The following PPFIA2 variants were observed in gnomAD, a reference collection of about 807,000 sequenced individuals.
PPFIA2 encodes PPFI scaffold protein A2, also known as liprin-alpha-2.
PPFIA2 carries 46 observed loss-of-function variants against 175.5 expected under a neutral mutation model. That is an observed-to-expected ratio of 0.26 (90% CI 0.21 to 0.34). PPFIA2 has a LOEUF of 0.34. Ranked by LOEUF, PPFIA2 falls within the 10% of genes least tolerant of loss-of-function variation. The pLI is 1.00. For synonymous variants in PPFIA2, 568 were observed against 511.4 expected, an observed-to-expected ratio of 1.11 and a Z score of -1.49; for missense variants, 1,179 against 1,506.1, an observed-to-expected ratio of 0.78 and a Z score of 3.60.
intron 3 of PPFIA2, among the ~76,000 whole-genome samples, chr12:81,697,817 G>A (rs562118215): frequency 6.6e-6 from 1 of 152,090 alleles, no homozygotes; most frequent in Non-Finnish European, 1.5e-5. Flanking sequence ...CTCTCAATAA[G>A]TAGAGTTGAA....
intron 4 of PPFIA2, among the ~76,000 whole-genome samples, chr12:81,638,719 G>C (rs1223401515): frequency 9.3e-6 from 1 of 107,038 alleles, no homozygotes; most frequent in Non-Finnish European, 1.7e-5. Flanking sequence ...ACGGAGTCTC[G>C]CTCTGTCGCC....
intron 17 of PPFIA2, among the ~76,000 whole-genome samples, chr12:81,352,135 C>T (rs2140902292): frequency 6.6e-6 from 1 of 151,936 alleles, no homozygotes; most frequent in Non-Finnish European, 1.5e-5. Flanking sequence ...CTGTAAAGGC[C>T]AAAGTGACTG....
chr12:81,313,263 T>A (rs1250045683), intron 22 of PPFIA2, among the ~76,000 whole-genome samples: 4 of 152,094 alleles, frequency 2.6e-5, no homozygotes, highest in Non-Finnish European at 4.4e-5. Context: ...TTACTACAAC[T>A]CATAAAACAT....
intron 4 of PPFIA2, among the ~76,000 whole-genome samples, chr12:81,573,356 A>G (rs1198704190): frequency 1.3e-5 from 2 of 151,876 alleles, no homozygotes; most frequent in Non-Finnish European, 2.9e-5. Context: ...GAAAATAGTC[A>G]ATTTCTTGCT....
At chr12:81,279,640 C>A (rs894782773) in intron 27 of PPFIA2, among the ~76,000 whole-genome samples, 2 of 152,000 alleles carry the variant, frequency 1.3e-5, no homozygotes, top group Non-Finnish European at 2.9e-5. Flanking sequence ...TTGGGCATTT[C>A]CCAGAACAAA....
At chr12:81,367,563 TGAAGAAA>T (rs760762064) in intron 13 of PPFIA2, among the ~76,000 whole-genome samples, 2 of 151,666 alleles carry the variant, frequency 1.3e-5, no homozygotes, top group African/African-American at 4.8e-5. Context: ...TTCTATTGTC[TGAAGAAA>T]GAAGAAATCA....
At chr12:81,555,829 T>C (rs2068760764) in intron 4 of PPFIA2, among the ~76,000 whole-genome samples, 1 of 151,966 alleles carries the variant, frequency 6.6e-6, no homozygotes, top group African/African-American at 2.4e-5. Context: ...ACTTGATACA[T>C]ATTACTGCTA....
At chr12:81,368,500 A>T (rs560210404) in intron 13 of PPFIA2, among the ~76,000 whole-genome samples, 1 of 151,780 alleles carries the variant, frequency 6.6e-6, no homozygotes, top group Non-Finnish European at 1.5e-5. Context: ...TCATATGAAC[A>T]TGTGAATATA....
chr12:81,728,207 T>C (rs1363498913), intron 3 of PPFIA2, among the ~76,000 whole-genome samples: 3 of 151,432 alleles, frequency 2.0e-5, no homozygotes, highest in Non-Finnish European at 3.0e-5. Context: ...TGGTTGTTTG[T>C]TGTTTGTATT....
Position 81,462,402 on chromosome 12 carries a change from T to C in PPFIA2, c.304-4536A>G, listed in dbSNP as rs1158566942. Among the ~76,000 whole-genome samples the C allele has an allele frequency of 1.1e-4, 16 of 147,306 alleles. No individual in the cohort carries two copies. In the Admixed American group the frequency reaches 1.1e-3, roughly 10 times the overall value. Reference sequence around the variant, plus strand: ...ACTGATTCAAACACACTTCTACAGATTCCTTTTAATTCAGACATGGTGAAG... The same window carrying C: ...ACTGATTCAAACACACTTCTACAGACTCCTTTTAATTCAGACATGGTGAAG... On this transcript the variant is annotated intron_variant, in intron 4 of 32. Transcript: ENST00000549396.
At chr12:81,314,664 C>A (rs1170464568) in intron 22 of PPFIA2, among the ~76,000 whole-genome samples, 2 of 151,948 alleles carry the variant, frequency 1.3e-5, no homozygotes, top group South Asian at 2.1e-4. Context: ...ATTGAATGAA[C>A]CTTCTTCTGT....
At chr12:81,566,530 CAAAAAAAAAAAAAA>C (rs3075452) in intron 4 of PPFIA2, among the ~76,000 whole-genome samples, 2 of 68,456 alleles carry the variant, frequency 2.9e-5, no homozygotes, top group Non-Finnish European at 5.4e-5. Context: ...GACTCCAACT[CAAAAAAAAAAAAAA>C]AAAAAAAAGA....
intron 26 of PPFIA2, chr12:81,282,712 AATAT>A: frequency 4.8e-6 from 1 of 210,268 alleles, no homozygotes; most frequent in South Asian, 1.5e-4. Context: ...TTCCTGATTA[AATAT>A]ATACAGGAGT....
chr12:81,491,465 A>G (rs1198705902), intron 4 of PPFIA2, among the ~76,000 whole-genome samples: 1 of 151,950 alleles, frequency 6.6e-6, no homozygotes, highest in East Asian at 1.9e-4. Context: ...GTGAATGTGA[A>G]CCCTCAAAAT....
Position 81,525,252 on chromosome 12 carries a change from T to C in PPFIA2, c.304-67386A>G, listed in dbSNP as rs184474697. Among the ~76,000 whole-genome samples, 317 of 152,244 alleles carry C rather than the reference T, an allele frequency of 2.1e-3. 3 individuals carry two copies. Among genetic ancestry groups the C allele is most frequent in the Admixed American group, 5.0e-3 (76 of 15,288 alleles). Reference sequence around the variant, plus strand: ...CCTCTGGTGTTCACTTTCTATACATTCCCTCTTATGTTACAGAACTTGTGA... The same window carrying C: ...CCTCTGGTGTTCACTTTCTATACATCCCCTCTTATGTTACAGAACTTGTGA... On this transcript the variant is annotated intron_variant, in intron 4 of 32. Transcript: ENST00000549396.
intron 4 of PPFIA2, among the ~76,000 whole-genome samples, chr12:81,509,126 G>C (rs1002857452): frequency 2.0e-5 from 3 of 152,060 alleles, no homozygotes; most frequent in Non-Finnish European, 4.4e-5. Context: ...GGTATTTAAA[G>C]AATAGAAATA....
intron 8 of PPFIA2, among the ~76,000 whole-genome samples, chr12:81,402,284 A>G (rs2042211354): frequency 6.6e-6 from 1 of 152,188 alleles, no homozygotes; most frequent in Non-Finnish European, 1.5e-5. Flanking sequence ...ATCGTTGATA[A>G]TCTGCCAAAA....
chr12:81,394,679 A>C (rs966601455), intron 8 of PPFIA2, among the ~76,000 whole-genome samples: 3 of 151,862 alleles, frequency 2.0e-5, no homozygotes, highest in African/African-American at 7.2e-5. Flanking sequence ...GGGGAGGGAG[A>C]GCATTAGGAC....
chr12:81,693,837 C>T (rs117501651), intron 3 of PPFIA2, among the ~76,000 whole-genome samples: 439 of 152,224 alleles, frequency 2.9e-3, no homozygotes, highest in Non-Finnish European at 5.2e-3. Flanking sequence ...AAATGAGGAA[C>T]TTACAGGAAC....
Sources: allele counts gnomAD v4.1 joint callset (sites outside exome capture counted in the v4.1 genomes callset), GRCh38; gene constraint gnomAD v4.1.1; transcripts MANE v1.5; gene names NCBI Gene and HGNC (gene_info 2026-07-23, HGNC 2026-07-21).